IFTAP: variants seen among roughly 807,000 people sequenced by gnomAD.
IFTAP encodes intraflagellar transport-associated protein.
A neutral mutation model predicts 19.4 loss-of-function variants in IFTAP; 19 were observed. That is an observed-to-expected ratio of 0.98 (90% CI 0.68 to 1.44). The LOEUF is 1.44. IFTAP is among the 40% of genes most tolerant of loss of function. The probability of loss-of-function intolerance (pLI) is 0.00; values close to 1 mark genes in which losing one functional copy is unlikely to be tolerated. For synonymous variants in IFTAP, 85 were observed against 83.5 expected, an observed-to-expected ratio of 1.02 and a Z score of -0.10; for missense variants, 240 against 253.6, an observed-to-expected ratio of 0.95 and a Z score of 0.36.
At chr11:36,599,065 C>T (rs1462720733) in intron 1 of IFTAP, among the ~76,000 whole-genome samples, 1 of 152,172 alleles carries the variant, frequency 6.6e-6, no homozygotes, top group East Asian at 1.9e-4. Context: ...ACGATCTTGG[C>T]TCACTGCAAC....
Position 36,628,436 on chromosome 11 carries a change from T to G in IFTAP, c.137-4848T>G, listed in dbSNP as rs189771388. Among the ~76,000 whole-genome samples, 80 of 151,332 alleles carry G rather than the reference T, an allele frequency of 5.3e-4. 3 individuals are homozygous for G. Among genetic ancestry groups the G allele is most frequent in the African/African-American group, 1.9e-3 (77 of 40,640 alleles). ...CCTTTTGTGATTCTGCCAAACCAAT[T>G]ATGATTTTACCATTCTTTGTGTTTC... On this transcript the variant is annotated intron_variant, in intron 2 of 5. Transcript: ENST00000334307.
rs536005842 is a variant in IFTAP at position 36,650,903 on chromosome 11, C to G, written c.498+2748C>G. Among the ~76,000 whole-genome samples the G allele has an allele frequency of 1.4e-4, 22 of 152,160 alleles. No homozygotes were observed. The East Asian group carries it at 1.9e-3, about 13-fold the overall frequency. ...CATGAACTCATCATTTTTTATGGCT[C>G]CATAGTATTCCATGGTGTATATGTG... On this transcript the variant is annotated intron_variant, in intron 5 of 5. Transcript: ENST00000334307.
chr11:36,657,266 A>G (rs1854029441), intron 5 of IFTAP, among the ~76,000 whole-genome samples: 1 of 152,120 alleles, frequency 6.6e-6, no homozygotes, highest in Non-Finnish European at 1.5e-5. Flanking sequence ...AACAGTTAAC[A>G]TTCAGGAAAT....
intron 3 of IFTAP, among the ~76,000 whole-genome samples, chr11:36,634,195 G>T (rs866764679): frequency 9.8e-4 from 149 of 152,006 alleles, no homozygotes; most frequent in African/African-American, 3.5e-3. Context: ...CTGACCATTG[G>T]GATTATATTA....
intron 2 of IFTAP, among the ~76,000 whole-genome samples, chr11:36,629,755 G>T (rs1229126793): frequency 6.6e-6 from 1 of 151,058 alleles, no homozygotes; most frequent in Non-Finnish European, 1.5e-5. Context: ...TGTGGTGGGG[G>T]CCTTGTAAGG....
At chr11:36,639,014 A>C (rs557922417) in intron 4 of IFTAP, among the ~76,000 whole-genome samples, 1 of 152,218 alleles carries the variant, frequency 6.6e-6, no homozygotes, top group Non-Finnish European at 1.5e-5. Flanking sequence ...TTTATTTGAC[A>C]TCAAGTTAAC....
chr11:36,645,050 A>G (rs1425972259), intron 4 of IFTAP, among the ~76,000 whole-genome samples: 2 of 152,060 alleles, frequency 1.3e-5, no homozygotes, highest in Non-Finnish European at 2.9e-5. Context: ...AGTGTTTTTT[A>G]TCTATATCCT....
At chr11:36,653,995 A>G (rs911175557) in intron 5 of IFTAP, among the ~76,000 whole-genome samples, 1 of 152,080 alleles carries the variant, frequency 6.6e-6, no homozygotes, top group Non-Finnish European at 1.5e-5. Context: ...AGTCTTTCCT[A>G]TCCTTAACAA....
chr11:36,638,026 G>T (rs1329672833), intron 4 of IFTAP, among the ~76,000 whole-genome samples: 1 of 151,896 alleles, frequency 6.6e-6, no homozygotes, highest in Non-Finnish European at 1.5e-5. Flanking sequence ...GATTACAGGT[G>T]CATGCTGCCA....
chr11:36,610,833 G>A (rs1498338), intron 2 of IFTAP, among the ~76,000 whole-genome samples: 21,927 of 152,160 alleles, frequency 0.14, 2,441 homozygotes, highest in East Asian at 0.59. Context: ...TGCTGCTGCT[G>A]CTGCTGTTGT....
At chr11:36,604,240 A>G (rs1295158572) in intron 1 of IFTAP, among the ~76,000 whole-genome samples, 2 of 152,182 alleles carry the variant, frequency 1.3e-5, no homozygotes, top group Non-Finnish European at 2.9e-5. Context: ...TAATATTCAC[A>G]GCAAAGGGCT....
chr11:36,626,884 C>T (rs1188521292), intron 2 of IFTAP, among the ~76,000 whole-genome samples: 1 of 151,080 alleles, frequency 6.6e-6, no homozygotes, highest in East Asian at 1.9e-4. Context: ...TTAGTAATGA[C>T]AGTCCTTAGG....
At chr11:36,597,892 T>C (rs1851340667) in intron 1 of IFTAP, among the ~76,000 whole-genome samples, 1 of 152,126 alleles carries the variant, frequency 6.6e-6, no homozygotes, top group Non-Finnish European at 1.5e-5. Flanking sequence ...TTAATAATAG[T>C]GCTCTAAAGG....
chr11:36,631,865 T>G (rs570630251), intron 2 of IFTAP, among the ~76,000 whole-genome samples: 2 of 151,330 alleles, frequency 1.3e-5, no homozygotes, highest in African/African-American at 4.9e-5. Flanking sequence ...AAGTTTCAGT[T>G]TTGGAATGTA....
At chr11:36,633,983 T>C (rs1852833205) in intron 3 of IFTAP, among the ~76,000 whole-genome samples, 1 of 152,158 alleles carries the variant, frequency 6.6e-6, no homozygotes, top group South Asian at 2.1e-4. Context: ...CATTTAAGTT[T>C]CTAATTTCTG....
intron 2 of IFTAP, among the ~76,000 whole-genome samples, chr11:36,624,883 T>C (rs1291788097): frequency 2.0e-5 from 3 of 152,178 alleles, no homozygotes; most frequent in Non-Finnish European, 2.9e-5. Flanking sequence ...TACTGTTGCA[T>C]GAGCGAGAAA....
intron 5 of IFTAP, among the ~76,000 whole-genome samples, chr11:36,657,783 C>A (rs1854059194): frequency 6.6e-6 from 1 of 152,170 alleles, no homozygotes; most frequent in Admixed American, 6.6e-5. Context: ...AGTATCAGGG[C>A]TGACACATGG....
At chr11:36,607,874 T>G (rs1223818389) in intron 1 of IFTAP, among the ~76,000 whole-genome samples, 1 of 152,120 alleles carries the variant, frequency 6.6e-6, no homozygotes, top group Non-Finnish European at 1.5e-5. Context: ...GGTTTCTCCA[T>G]GTTGTTCAGG....
chr11:36,657,905 T>C (rs1854066664), intron 5 of IFTAP, among the ~76,000 whole-genome samples: 1 of 152,200 alleles, frequency 6.6e-6, no homozygotes, highest in South Asian at 2.1e-4. Context: ...GAAGTTGTTC[T>C]CCTGCTGATT....
Sources: gnomAD v4.1 joint callset for allele counts (sites outside exome capture counted in the v4.1 genomes callset) on GRCh38, gnomAD v4.1.1 for gene constraint, MANE v1.5 for transcripts, NCBI Gene and HGNC (gene_info 2026-07-23, HGNC 2026-07-21) for gene names.